Variants in KCNT1 observed in about 807,000 individuals in gnomAD.
KCNT1 encodes potassium sodium-activated channel subfamily T member 1.
In KCNT1, 78 loss-of-function variants were observed where a neutral mutation model predicts 147.8. That is an observed-to-expected ratio of 0.53 (90% confidence interval 0.44 to 0.64). The LOEUF is 0.64. Among genes scored for constraint, KCNT1 ranks in the 30% least tolerant of loss-of-function variants. KCNT1 has a pLI of 0.00. For synonymous variants in KCNT1, 867 were observed against 748.8 expected (o/e 1.16, Z -2.58); for missense variants, 1,419 against 1,750.3 (o/e 0.81, Z 3.38).
Position 135,714,437 on chromosome 9 carries a change from CCCCGCCCGGCCGCCCG to C in KCNT1, c.111-130_111-115del, listed in dbSNP as rs1388955865. ...CGCCCGCATGTGCCGCCAGGCCCGC[CCCCGCCCGGCCGCCCG>C]CCCGCCCGGTGGGTCGCGGTGGCCG... On this transcript the variant is annotated intron_variant, in intron 1 of 30. Coordinates refer to ENST00000371757, the MANE Select transcript of KCNT1 (RefSeq NM_020822.3). This position sits in a 1 kb window ranked among gnomAD's most constrained non-coding sequence, Gnocchi z 6.2. 1.1e-5 allele frequency: 4 copies of C among 356,536 alleles called. No individual in the cohort carries two copies. The highest frequency in any genetic ancestry group is 6.7e-5 in the Admixed American group (1 of 14,876). The allele number at this position is 356,536 out of a possible 1,614,324, so 22.1% of individuals were successfully genotyped here. A position where few individuals can be genotyped will look rare whatever the true frequency, so the allele number is the denominator to read the frequency against.
At chr9:135,738,976 C>T (rs1830451767) in intron 2 of KCNT1, among the ~76,000 whole-genome samples, 1 of 152,134 alleles carries the variant, frequency 6.6e-6, no homozygotes, top group Non-Finnish European at 1.5e-5. Flanking sequence ...GACCCCGCTG[C>T]ATCAGGAGGC....
intron 2 of KCNT1, among the ~76,000 whole-genome samples, chr9:135,743,983 TCCTG>T (rs1588296938): frequency 6.6e-6 from 1 of 152,190 alleles, no homozygotes; most frequent in Non-Finnish European, 1.5e-5. Context: ...TGCCCTTTCT[TCCTG>T]CCTGCCTGCC....
chr9:135,741,344 C>T (rs1443384519), intron 2 of KCNT1, among the ~76,000 whole-genome samples: 3 of 152,160 alleles, frequency 2.0e-5, no homozygotes, highest in Admixed American at 6.5e-5. Context: ...CTGGCCACGC[C>T]GGACCTGACC....
intron 24 of KCNT1, among the ~76,000 whole-genome samples, chr9:135,780,660 G>T (rs930394436): frequency 1.3e-5 from 2 of 152,226 alleles, no homozygotes; most frequent in Non-Finnish European, 2.9e-5. Context: ...GGCTCTGTCT[G>T]CCCTGCCCGC....
intron 24 of KCNT1, among the ~76,000 whole-genome samples, chr9:135,780,812 C>T (rs573717242): frequency 9.2e-5 from 14 of 152,314 alleles, no homozygotes; most frequent in South Asian, 4.1e-4. Context: ...GTTCGGGTGC[C>T]GGGCCGCTCC....
chr9:135,786,833 C>A (rs1027504125), intron 29 of KCNT1, among the ~76,000 whole-genome samples: 5 of 152,258 alleles, frequency 3.3e-5, no homozygotes, highest in African/African-American at 4.8e-5. Flanking sequence ...TTCCACTGCT[C>A]TGGGGCCTCA....
rs373198745 is a variant in KCNT1 at position 135,730,547 on chromosome 9, G to A, written c.254+15827G>A. On this transcript the variant is annotated intron_variant, in intron 2 of 30. Transcript: ENST00000371757. The surrounding 1 kb of genome is among the most constrained non-coding windows in gnomAD (Gnocchi z 4.7). ...AGGGGAAGCAAGGACTGGAGCGATG[G>A]GAGGAGGGGCCCAGCCGGGGAGGGT... Among the ~76,000 whole-genome samples, 16 of 152,146 alleles carry A rather than the reference G, an allele frequency of 1.1e-4. No individual in the cohort carries two copies. Among genetic ancestry groups the A allele is most frequent in the African/African-American group, 3.6e-4 (15 of 41,430 alleles).
intron 15 of KCNT1, among the ~76,000 whole-genome samples, chr9:135,769,564 G>A (rs532953920): frequency 1.3e-5 from 2 of 152,318 alleles, no homozygotes; most frequent in East Asian, 1.9e-4. Flanking sequence ...CAGGAGCACC[G>A]TCTGATGAGC....
At position 135,768,551 on chromosome 9, in the gene KCNT1, C is replaced by G; in HGVS notation, c.1338-59C>G. 10 of 1,424,266 alleles carry G rather than the reference C, an allele frequency of 7.0e-6. No homozygotes were observed. The South Asian group carries it at 7.5e-5, about 11-fold the overall frequency. The allele number at this position is 1,424,266 out of a possible 1,614,324, so 88.2% of individuals were successfully genotyped here. A position where few individuals can be genotyped will look rare whatever the true frequency, so the allele number is the denominator to read the frequency against. ...GTCCTCCCCACCTCACCTCCGCACC[C>G]CCGGCTGCACTGCCCACCTCCCCTG... On this transcript the variant is annotated intron_variant, in intron 13 of 30. Coordinates refer to ENST00000371757, the MANE Select transcript of KCNT1 (RefSeq NM_020822.3).
At position 135,752,397 on chromosome 9, in the gene KCNT1, C is replaced by T; in HGVS notation, c.434+1356C>T. On this transcript the variant is annotated intron_variant, in intron 4 of 30. Coordinates refer to ENST00000371757, the MANE Select transcript of KCNT1 (RefSeq NM_020822.3). The surrounding 1 kb of genome is among the most constrained non-coding windows in gnomAD (Gnocchi z 5.1). ...TGTCTAGGTCAGAAGAGGGCAGAAC[C>T]CACTAGGAGAGTTTGAGAAGGAGAA... is the stretch of plus-strand genomic sequence containing the variant. The T allele has an allele frequency of 2.2e-6, 1 of 456,526 alleles. No homozygotes were observed. Among genetic ancestry groups the T allele is most frequent in the Admixed American group, 2.3e-5 (1 of 42,564 alleles). The allele number at this position is 456,526 out of a possible 1,614,324, so 28.3% of individuals were successfully genotyped here. A position where few individuals can be genotyped will look rare whatever the true frequency, so the allele number is the denominator to read the frequency against.
intron 24 of KCNT1, among the ~76,000 whole-genome samples, chr9:135,781,182 T>A (rs1833583916): frequency 6.6e-6 from 1 of 152,212 alleles, no homozygotes; most frequent in Non-Finnish European, 1.5e-5. Context: ...AGTCATGCGA[T>A]TCCGTGGCAG....
At chr9:135,712,865 T>C (rs922462971) in intron 1 of KCNT1, among the ~76,000 whole-genome samples, 1 of 152,198 alleles carries the variant, frequency 6.6e-6, no homozygotes, top group African/African-American at 2.4e-5. Context: ...CGCTCAAGTG[T>C]CAAAGCAGCT....
chr9:135,746,879 A>G (rs1159299527), intron 2 of KCNT1, among the ~76,000 whole-genome samples: 2 of 152,032 alleles, frequency 1.3e-5, no homozygotes, highest in Non-Finnish European at 1.5e-5. Context: ...CTGAGGGCAG[A>G]GCTGCAGGAC....
At chr9:135,782,992 G>T (rs981095794) in intron 24 of KCNT1, among the ~76,000 whole-genome samples, 6 of 152,240 alleles carry the variant, frequency 3.9e-5, no homozygotes, top group Non-Finnish European at 8.8e-5. Context: ...TCGCTGTCGT[G>T]TCTTTTACCT....
At chr9:135,702,730 C>T (rs1835082583) in intron 1 of KCNT1, among the ~76,000 whole-genome samples, 1 of 152,092 alleles carries the variant, frequency 6.6e-6, no homozygotes, top group African/African-American at 2.4e-5. Context: ...TGCCCCACCC[C>T]AGCTTGGGGA....
At chr9:135,749,044 C>G (rs1830998815) in intron 2 of KCNT1, among the ~76,000 whole-genome samples, 1 of 152,232 alleles carries the variant, frequency 6.6e-6, no homozygotes, top group Admixed American at 6.5e-5. Flanking sequence ...CAGAGACGGC[C>G]ATGCCTGCTG....
At position 135,771,268 on chromosome 9, in the gene KCNT1, A is replaced by G. The variant is rs183258312; in HGVS notation, c.2008+173A>G. 233 of 640,062 alleles carry G rather than the reference A, an allele frequency of 3.6e-4. 3 individuals carry two copies. The East Asian group carries it at 6.2e-3, about 17-fold the overall frequency. 39.6% of individuals were successfully genotyped at this position (640,062 alleles called of 1,614,324 possible). A position where few individuals can be genotyped will look rare whatever the true frequency, so the allele number is the denominator to read the frequency against. ...GGCAGGTGACCAGGTGGGACGGGAGACCAGGCAGGGCGGGAGACCAGGTGG... is the reference window on the plus strand; with the variant it reads ...GGCAGGTGACCAGGTGGGACGGGAGGCCAGGCAGGGCGGGAGACCAGGTGG... On this transcript the variant is annotated intron_variant, in intron 18 of 30. Transcript: ENST00000371757.
Position 135,730,981 on chromosome 9 carries a change from G to A in KCNT1, c.254+16261G>A, listed in dbSNP as rs1265861710. Reference sequence around the variant, plus strand: ...AGCCTGGGCAACAAAGTGAGATCCCGTCTCAAGGTAAAAAAAAAAAAAAAA... The same window carrying A: ...AGCCTGGGCAACAAAGTGAGATCCCATCTCAAGGTAAAAAAAAAAAAAAAA... On this transcript the variant is annotated intron_variant, in intron 2 of 30. Transcript: ENST00000371757. This position sits in a 1 kb window ranked among gnomAD's most constrained non-coding sequence, Gnocchi z 4.7. 5.3e-5 allele frequency among the ~76,000 whole-genome samples: 6 copies of A among 113,876 alleles called. No individual in the cohort carries two copies. The highest frequency in any genetic ancestry group is 3.0e-4 in the South Asian group (1 of 3,330). 74.7% of individuals were successfully genotyped at this position (113,876 alleles called of 152,430 possible).
intron 2 of KCNT1, among the ~76,000 whole-genome samples, chr9:135,715,644 G>A (rs994635004): frequency 4.6e-5 from 7 of 151,944 alleles, no homozygotes; most frequent in African/African-American, 1.7e-4. Flanking sequence ...AAGTACACGA[G>A]GTTGAAAATG....
Sources: allele counts gnomAD v4.1 joint callset (sites outside exome capture counted in the v4.1 genomes callset), GRCh38; gene constraint gnomAD v4.1.1; non-coding constraint Gnocchi (gnomAD v3.1); transcripts MANE v1.5; gene names NCBI Gene and HGNC (gene_info 2026-07-23, HGNC 2026-07-21).